The following SRD5A3 variants were observed in gnomAD, a reference collection of about 807,000 sequenced individuals.
The protein encoded by SRD5A3 is polyprenal reductase.
A neutral mutation model predicts 34.3 loss-of-function variants in SRD5A3; 24 were observed. The ratio of observed to expected loss-of-function variants is 0.70; its 90% CI spans 0.51 to 0.99. The LOEUF (loss-of-function observed/expected upper bound fraction) is 0.99. SRD5A3 is among the 50% of genes least tolerant of loss of function. SRD5A3 has a pLI of 0.00. For missense variants in SRD5A3, 350 were observed against 388.2 expected, an observed-to-expected ratio of 0.90 and a Z score of 0.83; for synonymous variants, 161 against 167.3, an observed-to-expected ratio of 0.96 and a Z score of 0.29.
chr4:55,359,941 G>A (rs528020130), intron 2 of SRD5A3, among the ~76,000 whole-genome samples: 55 of 152,316 alleles, frequency 3.6e-4, no homozygotes, highest in South Asian at 1.2e-3. Flanking sequence ...TGTCGGGTGC[G>A]GTGGCTCACG....
Position 55,346,434 on chromosome 4 carries a change from A to T in SRD5A3, c.98A>T (p.Gln33Leu), listed in dbSNP as rs1045114615. Residue 33 changes from glutamine (Q) to leucine (L), a missense_variant, in exon 1 of 5, where the codon CAG becomes CTG. Coordinates refer to ENST00000264228, the MANE Select transcript of SRD5A3 (RefSeq NM_024592.5). Reference sequence around the variant, plus strand: ...GCCTTCCTGCTGACCCTACTGCTGCAGCTCCTGCCGCCCGGCCTGCTCCCG... The same window carrying T: ...GCCTTCCTGCTGACCCTACTGCTGCTGCTCCTGCCGCCCGGCCTGCTCCCG... ...TAAFLLTLLL[Q>L]LLPPGLLPGC... is the part of the protein sequence containing the mutation. The T allele has an allele frequency of 2.5e-6, 4 of 1,605,038 alleles. No individual in the cohort carries two copies. The African/African-American group carries it at 5.4e-5, about 22-fold the overall frequency.
chr4:55,357,637 ATGT>A (rs1460880368), intron 1 of SRD5A3, among the ~76,000 whole-genome samples: 16 of 152,220 alleles, frequency 1.1e-4, no homozygotes, highest in Admixed American at 1.0e-3. Context: ...AGTTTAAGAG[ATGT>A]TGTGTGGAAT....
chr4:55,358,145 A>G (rs149650357), intron 1 of SRD5A3, among the ~76,000 whole-genome samples: 1 of 152,342 alleles, frequency 6.6e-6, no homozygotes, highest in East Asian at 1.9e-4. Context: ...GACCAGGGAA[A>G]GCCAGATGAC....
At position 55,364,207 on chromosome 4, in the gene SRD5A3, A is replaced by T. The variant is rs760567316; in HGVS notation, c.498A>T (p.Gly166=). Residue 166 remains glycine, a synonymous_variant, in exon 3 of 5, where the codon GGA becomes GGT. Coordinates refer to ENST00000264228, the MANE Select transcript of SRD5A3 (RefSeq NM_024592.5). ...VMIHVVQYCF[G]LVYYVLVGLT... is the part of the protein sequence containing the mutation. ...TTCACGTCGTGCAGTACTGTTTTGG[A>T]CTTGTCTATTATGTCCTTGTTGGCC... The T allele has an allele frequency of 6.2e-7, 1 of 1,613,994 alleles. No homozygotes were observed. Among genetic ancestry groups the T allele is most frequent in the South Asian group, 1.1e-5 (1 of 91,084 alleles).
rs778218591 is a variant in SRD5A3 at position 55,346,310 on chromosome 4, G to T, written c.-27G>T. 1.0e-4 allele frequency: 145 copies of T among 1,391,230 alleles called. No individual in the cohort carries two copies. The highest frequency in any genetic ancestry group is 1.0e-3 in the Middle Eastern group (4 of 3,892). 86.2% of individuals were successfully genotyped at this position (1,391,230 alleles called of 1,614,324 possible). A position where few individuals can be genotyped will look rare whatever the true frequency, so the allele number is the denominator to read the frequency against. ...GGGCTAGCGGGCGGTGGGGGCGCCA[G>T]CAGCGCGGAAGGCGGGCACGCGGGC... On this transcript the variant is annotated 5_prime_UTR_variant, in exon 1 of 5. Coordinates refer to ENST00000264228, the MANE Select transcript of SRD5A3 (RefSeq NM_024592.5).
Position 55,364,232 on chromosome 4 carries a change from C to T in SRD5A3, c.523C>T (p.Leu175=). Residue 175 remains leucine (L), a synonymous_variant, in exon 3 of 5, where the codon CTA becomes TTA. Transcript: ENST00000264228. ...ACTTGTCTATTATGTCCTTGTTGGC[C>T]TAACTGTGCTGAGCCAAGTGCCAAT... ...FGLVYYVLVG[L]TVLSQVPMDG... is the part of the protein sequence containing the mutation. 1 of 1,614,122 alleles carries T rather than the reference C, an allele frequency of 6.2e-7. No homozygotes were observed. Among genetic ancestry groups the T allele is most frequent in the Non-Finnish European group, 8.5e-7 (1 of 1,180,028 alleles).
chr4:55,369,452 G>T (rs1227445640), intron 4 of SRD5A3, among the ~76,000 whole-genome samples: 2 of 152,120 alleles, frequency 1.3e-5, no homozygotes, highest in African/African-American at 4.8e-5. Flanking sequence ...TTTCTGGGCT[G>T]GGCAGGTTGG....
chr4:55,358,329 G>C (rs1046393495), intron 1 of SRD5A3, among the ~76,000 whole-genome samples: 3 of 152,016 alleles, frequency 2.0e-5, no homozygotes, highest in African/African-American at 7.2e-5. Context: ...CCAGGAGTTT[G>C]AGACCAGCCT....
intron 1 of SRD5A3, among the ~76,000 whole-genome samples, chr4:55,354,846 G>A (rs916424813): frequency 2.0e-5 from 3 of 152,266 alleles, no homozygotes; most frequent in Non-Finnish European, 4.4e-5. Context: ...GTACGCATGT[G>A]TAAGCTCCAT....
chr4:55,351,141 C>T (rs1201271979), intron 1 of SRD5A3, among the ~76,000 whole-genome samples: 1 of 150,924 alleles, frequency 6.6e-6, no homozygotes, highest in Non-Finnish European at 1.5e-5. Flanking sequence ...GGCGCAATAT[C>T]GGCTCACTGC....
intron 3 of SRD5A3, among the ~76,000 whole-genome samples, chr4:55,365,941 T>C: frequency 6.6e-6 from 1 of 152,218 alleles, no homozygotes; most frequent in Non-Finnish European, 1.5e-5. Flanking sequence ...TTAGTAATTA[T>C]TGACACATAC....
rs10648522 is a variant in SRD5A3, at chr4:55,356,000, A to ATTTTTTTTTTTTTTTTTTTT, written c.222-3339_222-3320dup. On this transcript the variant is annotated intron_variant, in intron 1 of 4. Transcript: ENST00000264228. ...ATGACCAATGCTTTCTTTTGCCTCC[A>ATTTTTTTTTTTTTTTTTTTT]TTTTTTTTTTTTTTTTTTTTTTTTT... 1.1e-4 allele frequency among the ~76,000 whole-genome samples: 8 copies of ATTTTTTTTTTTTTTTTTTTT among 74,264 alleles called. 2 individuals are homozygous for ATTTTTTTTTTTTTTTTTTTT. Among genetic ancestry groups the ATTTTTTTTTTTTTTTTTTTT allele is most frequent in the Admixed American group, 2.2e-4 (1 of 4,592 alleles). The allele number at this position is 74,264 out of a possible 152,430, so 48.7% of individuals were successfully genotyped here.
chr4:55,351,756 C>T (rs1256357862), intron 1 of SRD5A3: 2 of 447,038 alleles, frequency 4.5e-6, no homozygotes, highest in East Asian at 5.5e-5. Context: ...GTGTAATGAA[C>T]TGGCAGCAAG....
chr4:55,354,827 C>G (rs13124164), intron 1 of SRD5A3, among the ~76,000 whole-genome samples: 2 of 151,774 alleles, frequency 1.3e-5, no homozygotes, highest in African/African-American at 4.8e-5. Context: ...TGCGCGCGTG[C>G]GTGCGCGCGT....
At chr4:55,360,792 G>A (rs1328100302) in intron 2 of SRD5A3, among the ~76,000 whole-genome samples, 3 of 149,954 alleles carry the variant, frequency 2.0e-5, no homozygotes, top group Non-Finnish European at 3.0e-5. Context: ...AGGTTCAAGC[G>A]ATTCTCCTGC....
At chr4:55,354,161 A>G (rs765013447) in intron 1 of SRD5A3, among the ~76,000 whole-genome samples, 3 of 152,142 alleles carry the variant, frequency 2.0e-5, no homozygotes, top group South Asian at 2.1e-4. Flanking sequence ...CAGTGGCGCA[A>G]TGTGGGCTCA....
At position 55,364,071 on chromosome 4, in the gene SRD5A3, T is replaced by C; in HGVS notation, c.365-3T>C. 3 of 1,614,210 alleles carry C rather than the reference T, an allele frequency of 1.9e-6. No individual in the cohort carries two copies. The highest frequency in any genetic ancestry group is 2.5e-6 in the Non-Finnish European group (3 of 1,180,022). Reference sequence around the variant, plus strand: ...GCTGACCCTGTTGCCTTCTGAATTGTAGGAGGGGAGCTGGCACTGTCTGCA... The same window carrying C: ...GCTGACCCTGTTGCCTTCTGAATTGCAGGAGGGGAGCTGGCACTGTCTGCA... On this transcript the variant is annotated splice_polypyrimidine_tract_variant and splice_region_variant and intron_variant, in intron 2 of 4. Coordinates refer to ENST00000264228, the MANE Select transcript of SRD5A3 (RefSeq NM_024592.5).
At position 55,370,158 on chromosome 4, in the gene SRD5A3, G is replaced by A. The variant is rs1176261969; in HGVS notation, c.*67G>A. Reference sequence around the variant, plus strand: ...CAATGCCTAAGGACAGTGAAGTCTGGAGCCCAAAGTACAGTTTCAGCAAAG... The same window carrying A: ...CAATGCCTAAGGACAGTGAAGTCTGAAGCCCAAAGTACAGTTTCAGCAAAG... On this transcript the variant is annotated 3_prime_UTR_variant, in exon 5 of 5. Transcript: ENST00000264228. The A allele has an allele frequency of 6.3e-6, 10 of 1,598,272 alleles. No homozygotes were observed. The African/African-American group carries it at 1.2e-4, about 19-fold the overall frequency.
intron 2 of SRD5A3, among the ~76,000 whole-genome samples, chr4:55,360,386 A>G (rs903024450): frequency 9.6e-5 from 14 of 145,910 alleles, no homozygotes; most frequent in Non-Finnish European, 2.1e-4. Flanking sequence ...GGCGCTTGTA[A>G]TCCCAGCTAC....
Sources: allele counts gnomAD v4.1 joint callset (sites outside exome capture counted in the v4.1 genomes callset), GRCh38; gene constraint gnomAD v4.1.1; transcripts MANE v1.5; gene names NCBI Gene and HGNC (gene_info 2026-07-23, HGNC 2026-07-21).